Variants in PTP4A2 observed in about 807,000 individuals in gnomAD.
PTP4A2 encodes protein tyrosine phosphatase type IVA 2.
A neutral mutation model predicts 22.9 loss-of-function variants in PTP4A2; 2 were observed. The ratio of observed to expected loss-of-function variants is 0.09; its 90% CI spans 0.04 to 0.27. The LOEUF is 0.27. Ranked by LOEUF, PTP4A2 falls within the 10% of genes least tolerant of loss-of-function variation. The pLI is 1.00. For missense variants in PTP4A2, 103 were observed against 205.1 expected (o/e 0.50, Z 3.04); for synonymous variants, 68 against 69.1 (o/e 0.98, Z 0.08).
At position 31,908,116 on chromosome 1, in the gene PTP4A2, ATATATATATATATATATATTATAT is replaced by A. The variant is rs1651281610; in HGVS notation, c.*712_*735del. The A allele has an allele frequency of 5.6e-3, 2 of 360 alleles. No individual in the cohort carries two copies. The highest frequency in any genetic ancestry group is 0.029 in the Admixed American group (1 of 34). The allele number at this position is 360 out of a possible 1,614,324, so 0.0% of individuals were successfully genotyped here. A position where few individuals can be genotyped will look rare whatever the true frequency, so the allele number is the denominator to read the frequency against. ...AAAGACTAAAAACCACCTGGAAAAT[ATATATATATATATATATATTATAT>A]TATATATATATATATATATATATAT... On this transcript the variant is annotated 3_prime_UTR_variant, in exon 6 of 6. Transcript: ENST00000647444.
chr1:31,920,963 T>A (rs940069158), intron 1 of PTP4A2, among the ~76,000 whole-genome samples: 2 of 152,174 alleles, frequency 1.3e-5, no homozygotes, highest in Non-Finnish European at 2.9e-5. Flanking sequence ...TTAATCAAAA[T>A]TTCACTTTGA....
Position 31,911,701 on chromosome 1 carries a change from C to A in PTP4A2, c.315G>T (p.Leu105Phe). The change falls in exon 4 of 6, where the codon TTG (leucine) becomes TTT (phenylalanine). Residue 105 changes from leucine to phenylalanine, a missense_variant. Leu to Phe is a conservative substitution (Grantham distance 22). Coordinates refer to ENST00000647444, the MANE Select transcript of PTP4A2 (RefSeq NM_080391.4). ...TAATAAAGGTAAGAGTTTACCTTCCCAATCCTGCAACACAATGCACTGCAA... is the reference window on the plus strand; with the variant it reads ...TAATAAAGGTAAGAGTTTACCTTCCAAATCCTGCAACACAATGCACTGCAA... ...CCVAVHCVAG[L>F]GRAPVLVALA... 6.3e-7 allele frequency: 1 copy of A among 1,587,400 alleles called. No individual in the cohort carries two copies. Among genetic ancestry groups the A allele is most frequent in the South Asian group, 1.2e-5 (1 of 86,502 alleles).
At chr1:31,935,941 C>A (rs986078367) in intron 1 of PTP4A2, among the ~76,000 whole-genome samples, 19 of 151,882 alleles carry the variant, frequency 1.3e-4, no homozygotes, top group Admixed American at 1.2e-3. Context: ...ACTACAGGCA[C>A]GCACTACCAC....
intron 3 of PTP4A2, chr1:31,913,993 T>C (rs1037317576): frequency 4.8e-6 from 2 of 416,382 alleles, no homozygotes; most frequent in Non-Finnish European, 9.6e-6. Flanking sequence ...TCATTCCCAG[T>C]GATTTCCAGC....
intron 1 of PTP4A2, among the ~76,000 whole-genome samples, chr1:31,930,402 C>T (rs12739816): frequency 0.034 from 5,125 of 152,182 alleles, 116 homozygotes; most frequent in Middle Eastern, 0.061. Flanking sequence ...TAACTCTTTT[C>T]ATTTCCCCAT....
chr1:31,909,888 ACTTG>A (rs765927878), intron 5 of PTP4A2, 146 bp downstream of exon 5: 14 of 641,278 alleles, frequency 2.2e-5, no homozygotes, highest in Non-Finnish European at 3.7e-5. Flanking sequence ...AGTCTCTATC[ACTTG>A]CTCTAAATTT....
Position 31,923,060 on chromosome 1 carries a change from T to C in PTP4A2, c.-593-3402A>G, listed in dbSNP as rs138890452. 2.7e-3 allele frequency among the ~76,000 whole-genome samples: 407 copies of C among 151,760 alleles called. 15 individuals are homozygous for C. In the East Asian group the frequency reaches 0.068, roughly 25 times the overall value. On this transcript the variant is annotated intron_variant, in intron 1 of 5. Coordinates refer to ENST00000647444, the MANE Select transcript of PTP4A2 (RefSeq NM_080391.4). Reference sequence around the variant, plus strand: ...AATTCTCCTGCCTCAGCCTCCCAAGTAGCTGTGATTACAGGCATATTTTTG... The same window carrying C: ...AATTCTCCTGCCTCAGCCTCCCAAGCAGCTGTGATTACAGGCATATTTTTG...
At chr1:31,916,300 G>A (rs901084922) in intron 2 of PTP4A2, among the ~76,000 whole-genome samples, 5 of 137,098 alleles carry the variant, frequency 3.6e-5, no homozygotes, top group East Asian at 4.3e-4. Flanking sequence ...AGCCGAGATC[G>A]TGCCACTGCA....
At chr1:31,914,228 A>G (rs1651700254) in intron 3 of PTP4A2, 1 of 454,802 alleles carries the variant, frequency 2.2e-6, no homozygotes, top group Admixed American at 2.4e-5. Context: ...CATCACGTCC[A>G]GCTAATTTTT....
Position 31,919,001 on chromosome 1 carries a change from G to A in PTP4A2, c.65C>T (p.Pro22Leu). The A allele has an allele frequency of 6.2e-7, 1 of 1,604,852 alleles. No homozygotes were observed. ...GAACTTGTTGAGAGTAGCATTGGTA[G>A]GGTTGTGAGTTATCAGAAAACGCAT... ...ENMRFLITHN[P>L]TNATLNKFTE... Residue 22 changes from proline to leucine, a missense_variant, in exon 2 of 6, where the codon CCT (proline) becomes CTT (leucine). By Grantham distance (98) the Pro-to-Leu change is moderately conservative. Around this residue, in one of 3 missense-constraint regions of PTP4A2, gnomAD observed 66 missense variants for 113.0 expected, o/e 0.58. Transcript: ENST00000647444.
intron 1 of PTP4A2, among the ~76,000 whole-genome samples, chr1:31,924,900 TAAAA>T (rs574790599): frequency 6.7e-6 from 1 of 150,246 alleles, no homozygotes; most frequent in Non-Finnish European, 1.5e-5. Flanking sequence ...AGATAAGGGA[TAAAA>T]AAAAAGAAAA....
At chr1:31,931,665 T>C (rs2124265785) in intron 1 of PTP4A2, among the ~76,000 whole-genome samples, 1 of 152,320 alleles carries the variant, frequency 6.6e-6, no homozygotes, top group South Asian at 2.1e-4. Flanking sequence ...ATTGAGAATA[T>C]AGCCTGTGAC....
rs1400435390 is a variant in PTP4A2 at position 31,908,769 on chromosome 1, G to GT, written c.*82dup. On this transcript the variant is annotated 3_prime_UTR_variant, in exon 6 of 6. Coordinates refer to ENST00000647444, the MANE Select transcript of PTP4A2 (RefSeq NM_080391.4). ...ATCCATCACTACTTTGATGACACAGGTAATATTCCAGATTCACATTTCCAG... is the reference window on the plus strand; with the variant it reads ...ATCCATCACTACTTTGATGACACAGGTTAATATTCCAGATTCACATTTCCAG... The GT allele has an allele frequency of 2.1e-6, 2 of 934,616 alleles. No homozygotes were observed. Among genetic ancestry groups the GT allele is most frequent in the Non-Finnish European group, 3.5e-6 (2 of 576,910 alleles). The allele number at this position is 934,616 out of a possible 1,614,324, so 57.9% of individuals were successfully genotyped here.
At chr1:31,923,622 C>G (rs1368830293) in intron 1 of PTP4A2, among the ~76,000 whole-genome samples, 1 of 152,048 alleles carries the variant, frequency 6.6e-6, no homozygotes, top group Non-Finnish European at 1.5e-5. Context: ...GCGTGAGCCA[C>G]CGCGCCCAGC....
At chr1:31,918,641 C>T (rs1021431750) in intron 2 of PTP4A2, among the ~76,000 whole-genome samples, 18 of 152,312 alleles carry the variant, frequency 1.2e-4, no homozygotes, top group African/African-American at 4.3e-4. Context: ...ACAAACACTG[C>T]TCGTTGCATA....
chr1:31,909,524 T>C (rs1395415799), intron 5 of PTP4A2, among the ~76,000 whole-genome samples: 5 of 151,922 alleles, frequency 3.3e-5, no homozygotes, highest in Non-Finnish European at 7.4e-5. Flanking sequence ...ATACAAAAAT[T>C]AGCTGGGCGT....
Position 31,919,242 on chromosome 1 carries a change from T to C in PTP4A2, c.-177A>G, listed in dbSNP as rs1261467961. On this transcript the variant is annotated 5_prime_UTR_variant, in exon 2 of 6. Coordinates refer to ENST00000647444, the MANE Select transcript of PTP4A2 (RefSeq NM_080391.4). ...TTTATTCCTTATGAAGCTTCTCTCT[T>C]CAAGATAAGCAAAGTATTTAGAATC... is the stretch of plus-strand genomic sequence containing the variant. 2.5e-6 allele frequency: 1 copy of C among 396,104 alleles called. No individual in the cohort carries two copies. The highest frequency in any genetic ancestry group is 4.6e-6 in the Non-Finnish European group (1 of 215,848). The allele number at this position is 396,104 out of a possible 1,614,324, so 24.5% of individuals were successfully genotyped here.
At chr1:31,923,231 G>C (rs1234272185) in intron 1 of PTP4A2, among the ~76,000 whole-genome samples, 1 of 151,552 alleles carries the variant, frequency 6.6e-6, no homozygotes, top group Non-Finnish European at 1.5e-5. Flanking sequence ...TTCAGAGACA[G>C]GGTCTTGCTC....
chr1:31,927,268 C>T lies in PTP4A2; in HGVS notation c.-593-7610G>A, dbSNP rs376504796. On this transcript the variant is annotated intron_variant, in intron 1 of 5. Coordinates refer to ENST00000647444, the MANE Select transcript of PTP4A2 (RefSeq NM_080391.4). ...AACGCAGGAACAGAAAACCAAATAC[C>T]GCATGTTCTCACTTATAAGTGGGAG... Among the ~76,000 whole-genome samples, 336 of 152,266 alleles carry T rather than the reference C, an allele frequency of 2.2e-3. 1 individual carries two copies. The South Asian group carries it at 0.024, about 11-fold the overall frequency.
Sources: allele counts gnomAD v4.1 joint callset (sites outside exome capture counted in the v4.1 genomes callset), GRCh38; gene constraint gnomAD v4.1.1; regional missense constraint gnomAD v4.1.1; transcripts MANE v1.5; gene names NCBI Gene and HGNC (gene_info 2026-07-23, HGNC 2026-07-21).